KCNAB2: variants seen among roughly 807,000 people sequenced by gnomAD.
The protein encoded by KCNAB2 is voltage-gated potassium channel subunit beta-2.
A neutral mutation model predicts 63.6 loss-of-function variants in KCNAB2; 29 were observed. That is an observed-to-expected ratio of 0.46 (90% CI 0.34 to 0.62). The LOEUF is 0.62. Ranked by LOEUF, KCNAB2 falls within the 20% of genes least tolerant of loss-of-function variation. KCNAB2 has a pLI of 0.01. For synonymous variants in KCNAB2, 222 were observed against 224.2 expected, an observed-to-expected ratio of 0.99 and a Z score of 0.09; for missense variants, 359 against 563.9, an observed-to-expected ratio of 0.64 and a Z score of 3.68.
upstream of KCNAB2, among the ~76,000 whole-genome samples, chr1:6,034,006 C>T (rs1017352934): frequency 2.0e-5 from 3 of 152,126 alleles, no homozygotes; most frequent in African/African-American, 7.2e-5. Flanking sequence ...CTGCTAGGCT[C>T]CCCTCTTGGG....
At chr1:6,092,729 A>G (rs1004157425) in intron 10 of KCNAB2, among the ~76,000 whole-genome samples, 5 of 152,228 alleles carry the variant, frequency 3.3e-5, no homozygotes, top group African/African-American at 1.2e-4. Context: ...TGGCAGTTAA[A>G]GCAGGTGGCC....
At chr1:6,097,633 G>T in intron 15 of KCNAB2, 1 of 598,940 alleles carries the variant, frequency 1.7e-6, no homozygotes, top group Non-Finnish European at 2.9e-6. Flanking sequence ...GGCCAGGGAC[G>T]GTGGCGCTGC....
chr1:6,091,828 G>A (rs761076766), intron 10 of KCNAB2, among the ~76,000 whole-genome samples: 4 of 152,146 alleles, frequency 2.6e-5, no homozygotes, highest in South Asian at 2.1e-4. Flanking sequence ...GCTGCTCCTC[G>A]GACGGCATGC....
intron 1 of KCNAB2, among the ~76,000 whole-genome samples, chr1:5,995,140 G>T (rs1334958148): frequency 5.3e-5 from 8 of 152,318 alleles, no homozygotes; most frequent in African/African-American, 1.9e-4. Context: ...GAATAAGGAG[G>T]CAGGACAGTG....
At chr1:6,048,106 G>T (rs1306144700) in intron 1 of KCNAB2, among the ~76,000 whole-genome samples, 3 of 152,140 alleles carry the variant, frequency 2.0e-5, no homozygotes, top group African/African-American at 7.2e-5. Context: ...CCCAAACTCA[G>T]CCTTCCACCA....
chr1:6,085,370 T>C, intron 6 of KCNAB2, 122 bp downstream of exon 6: 1 of 852,744 alleles, frequency 1.2e-6, no homozygotes, highest in Non-Finnish European at 1.9e-6. Context: ...TCTTTCTTGC[T>C]GGGAAGTGGA....
chr1:6,008,431 G>C (rs1057077428), intron 1 of KCNAB2, among the ~76,000 whole-genome samples: 5 of 152,094 alleles, frequency 3.3e-5, no homozygotes, highest in African/African-American at 1.2e-4. Flanking sequence ...GACCAGCCTG[G>C]CCAACACGGT....
At chr1:6,005,901 C>T (rs1262583131) in intron 1 of KCNAB2, among the ~76,000 whole-genome samples, 21 of 145,454 alleles carry the variant, frequency 1.4e-4, no homozygotes, top group South Asian at 4.3e-4. Flanking sequence ...CCACCCTCAC[C>T]CCTCAGCTCA....
At chr1:6,045,279 G>A (rs947368486), upstream of KCNAB2, among the ~76,000 whole-genome samples, 3 of 152,174 alleles carry the variant, frequency 2.0e-5, no homozygotes, top group Non-Finnish European at 2.9e-5. This position sits in a 1 kb window ranked among gnomAD's most constrained non-coding sequence, Gnocchi z 4.8. Flanking sequence ...TTTCTCAGCC[G>A]GAAGATGATG....
intron 15 of KCNAB2, 141 bp from the exon 16 acceptor site, chr1:6,098,344 C>T: frequency 2.7e-6 from 4 of 1,458,408 alleles, no homozygotes; most frequent in Non-Finnish European, 3.6e-6. Context: ...TGGCCTCCAT[C>T]TGCCTCAGAT....
At position 6,069,195 on chromosome 1, in the gene KCNAB2, C is replaced by T. The variant is rs540400555; in HGVS notation, c.219-3560C>T. ...ATCATCACTGCACGGAGCAGACAGGCGAGCAGGGCACTAACAGGAGCCACC... is the reference window on the plus strand; with the variant it reads ...ATCATCACTGCACGGAGCAGACAGGTGAGCAGGGCACTAACAGGAGCCACC... On this transcript the variant is annotated intron_variant, in intron 2 of 15. Transcript: ENST00000378083. The surrounding 1 kb of genome is among the most constrained non-coding windows in gnomAD (Gnocchi z 5.4). Among the ~76,000 whole-genome samples the T allele has an allele frequency of 2.6e-5, 4 of 152,306 alleles. No individual in the cohort carries two copies. The highest frequency in any genetic ancestry group is 2.1e-4 in the South Asian group (1 of 4,832).
At chr1:6,041,430 GT>G (rs1660488758), upstream of KCNAB2, 2 of 218,556 alleles carry the variant, frequency 9.2e-6, no homozygotes, top group Admixed American at 1.1e-4. Flanking sequence ...GCAGGTGCGG[GT>G]TTGCCAGCAC....
chr1:6,000,149 G>A (rs1657166262), intron 1 of KCNAB2, among the ~76,000 whole-genome samples: 1 of 152,130 alleles, frequency 6.6e-6, no homozygotes. Context: ...AGATCCTGCA[G>A]CGCCTCCCGC....
intron 7 of KCNAB2, 121 bp from the exon 8 acceptor site, chr1:6,088,887 A>C (rs1664935645): frequency 1.1e-6 from 1 of 916,100 alleles, no homozygotes; most frequent in Admixed American, 2.3e-5. Context: ...GTGGAATCCG[A>C]CTCCACACGG....
chr1:6,008,382 A>C (rs1477963953), intron 1 of KCNAB2, among the ~76,000 whole-genome samples: 1 of 152,178 alleles, frequency 6.6e-6, no homozygotes, highest in Admixed American at 6.5e-5. Context: ...GCACTTTGGT[A>C]GGCCAAGGTG....
At chr1:6,095,703 T>C in intron 13 of KCNAB2, 79 bp downstream of exon 13, 1 of 1,361,236 alleles carries the variant, frequency 7.3e-7, no homozygotes, top group Non-Finnish European at 1.0e-6. Flanking sequence ...CCGACTGCTT[T>C]GGTGCTGGGC....
chr1:6,062,951 C>T (rs1018366930), intron 2 of KCNAB2, among the ~76,000 whole-genome samples: 1 of 152,046 alleles, frequency 6.6e-6, no homozygotes, highest in African/African-American at 2.4e-5. Context: ...AAAGAAGCCC[C>T]ATACCCTTCA....
chr1:6,065,319 G>A (rs965569640), intron 2 of KCNAB2, among the ~76,000 whole-genome samples: 4 of 152,240 alleles, frequency 2.6e-5, no homozygotes, highest in Non-Finnish European at 4.4e-5. Context: ...TGGCCTCAGG[G>A]GACCAGCCAA....
Position 6,096,049 on chromosome 1 carries a change from A to C in KCNAB2, c.948+425A>C. On this transcript the variant is annotated intron_variant, in intron 13 of 15. Coordinates refer to ENST00000378083, the MANE Select transcript of KCNAB2 (RefSeq NM_001199862.2). The surrounding 1 kb of genome is among the most constrained non-coding windows in gnomAD (Gnocchi z 5.9). ...GCCCCTCCCCACCACACAACCTCTG[A>C]GTGGGGACTCAGGAGGGTCCCCAGA... The C allele has an allele frequency of 2.2e-6, 1 of 459,476 alleles. No individual in the cohort carries two copies. The highest frequency in any genetic ancestry group is 1.5e-5 in the South Asian group (1 of 64,568). 28.5% of individuals were successfully genotyped at this position (459,476 alleles called of 1,614,324 possible).
Sources: allele counts gnomAD v4.1 joint callset (sites outside exome capture counted in the v4.1 genomes callset), GRCh38; gene constraint gnomAD v4.1.1; non-coding constraint Gnocchi (gnomAD v3.1); transcripts MANE v1.5; gene names NCBI Gene and HGNC (gene_info 2026-07-23, HGNC 2026-07-21).